Variants in NR6A1 observed in about 807,000 individuals in gnomAD.
The protein encoded by NR6A1 is retinoic acid receptor-related testis-associated receptor.
NR6A1 carries 7 observed loss-of-function variants against 59.1 expected under a neutral mutation model. That is an observed-to-expected ratio of 0.12 (90% CI 0.07 to 0.22). The LOEUF is 0.22. NR6A1 is among the 10% of genes least tolerant of loss of function. The pLI is 1.00. For synonymous variants in NR6A1, 243 were observed against 236.1 expected, an observed-to-expected ratio of 1.03 and a Z score of -0.27; for missense variants, 468 against 611.6, an observed-to-expected ratio of 0.77 and a Z score of 2.48.
At chr9:124,632,180 T>C (rs975563508) in intron 2 of NR6A1, among the ~76,000 whole-genome samples, 2 of 152,220 alleles carry the variant, frequency 1.3e-5, no homozygotes, top group Admixed American at 1.3e-4. Flanking sequence ...TTTGGAAATA[T>C]GCCCAGTAAT....
chr9:124,598,753 C>T (rs1202562327), intron 2 of NR6A1: 5 of 940,698 alleles, frequency 5.3e-6, no homozygotes, highest in Admixed American at 1.8e-5. Context: ...TTCTCCTTCA[C>T]CGAAAGAGCT....
At chr9:124,543,731 G>T in intron 4 of NR6A1, 71 bp downstream of exon 4, 3 of 1,182,696 alleles carry the variant, frequency 2.5e-6, no homozygotes, top group South Asian at 1.5e-5. Flanking sequence ...GAGTCAAGGT[G>T]AGCAGTTTCA....
chr9:124,714,270 A>C (rs1044749828), intron 2 of NR6A1, among the ~76,000 whole-genome samples: 3 of 152,208 alleles, frequency 2.0e-5, no homozygotes, highest in Admixed American at 2.0e-4. Context: ...ACAGAGCTTC[A>C]GTTTTGCAAT....
chr9:124,688,168 T>A (rs1211774977), intron 2 of NR6A1, among the ~76,000 whole-genome samples: 4 of 151,670 alleles, frequency 2.6e-5, no homozygotes, highest in Non-Finnish European at 4.4e-5. Context: ...CAAAAAAAAA[T>A]TTCTAAATCA....
chr9:124,674,465 C>T (rs1837893510), intron 2 of NR6A1, among the ~76,000 whole-genome samples: 1 of 152,126 alleles, frequency 6.6e-6, no homozygotes, highest in Non-Finnish European at 1.5e-5. Flanking sequence ...CTATTTTCAT[C>T]TGTAAAATGG....
intron 2 of NR6A1, among the ~76,000 whole-genome samples, chr9:124,650,655 G>C (rs930813802): frequency 1.3e-5 from 2 of 152,144 alleles, no homozygotes; most frequent in Admixed American, 6.5e-5. Flanking sequence ...ACCCCAATTT[G>C]ATCATTACAC....
intron 8 of NR6A1, 44 bp downstream of exon 8, chr9:124,526,735 C>T: frequency 6.2e-7 from 1 of 1,607,260 alleles, no homozygotes; most frequent in Non-Finnish European, 8.5e-7. Flanking sequence ...TCACTGCCTG[C>T]CTCCCGCACT....
rs1410580633 is a variant in NR6A1 at position 124,771,209 on chromosome 9, G to A, written c.-90C>T. ...GGTCGTCGTCCGCCGAGGGGAGGAG[G>A]TTGTCAGGAGCCCGCGAGCTCCCGG... On this transcript the variant is annotated 5_prime_UTR_variant, in exon 1 of 10. Coordinates refer to ENST00000487099, the MANE Select transcript of NR6A1 (RefSeq NM_033334.4). 1.9e-5 allele frequency: 13 copies of A among 701,826 alleles called. No individual in the cohort carries two copies. The highest frequency in any genetic ancestry group is 4.3e-5 in the Admixed American group (1 of 23,000). The allele number at this position is 701,826 out of a possible 1,614,324, so 43.5% of individuals were successfully genotyped here. A position where few individuals can be genotyped will look rare whatever the true frequency, so the allele number is the denominator to read the frequency against.
At chr9:124,744,356 C>A (rs1461456664) in intron 1 of NR6A1, among the ~76,000 whole-genome samples, 1 of 152,190 alleles carries the variant, frequency 6.6e-6, no homozygotes, top group Non-Finnish European at 1.5e-5. Flanking sequence ...ATAAACCAGG[C>A]ATCAGCTTGA....
At chr9:124,597,997 G>A (rs1835326652) in intron 2 of NR6A1, among the ~76,000 whole-genome samples, 1 of 152,046 alleles carries the variant, frequency 6.6e-6, no homozygotes, top group African/African-American at 2.4e-5. Flanking sequence ...CTACAGGCAC[G>A]CACCACCACG....
chr9:124,624,726 T>G (rs998126014), intron 2 of NR6A1, among the ~76,000 whole-genome samples: 1 of 152,194 alleles, frequency 6.6e-6, no homozygotes. Context: ...ACTTTGTGAT[T>G]TGAGCTTGCC....
chr9:124,717,185 C>T (rs28865904), intron 2 of NR6A1, among the ~76,000 whole-genome samples: 17,550 of 152,072 alleles, frequency 0.12, 2,699 homozygotes, highest in African/African-American at 0.34. Flanking sequence ...GAAATCTGTT[C>T]GGAAATTTCA....
intron 2 of NR6A1, among the ~76,000 whole-genome samples, chr9:124,714,830 A>G (rs992436330): frequency 6.6e-6 from 1 of 152,174 alleles, no homozygotes; most frequent in Non-Finnish European, 1.5e-5. Flanking sequence ...TCAACACTAA[A>G]CTTTTTAAAA....
chr9:124,730,246 T>C (rs1018886324), intron 2 of NR6A1, among the ~76,000 whole-genome samples: 2 of 152,234 alleles, frequency 1.3e-5, no homozygotes, highest in Non-Finnish European at 2.9e-5. Context: ...TGGTTTGTTT[T>C]TGAGACAGGG....
At chr9:124,595,400 AAAC>A (rs1194357300) in intron 2 of NR6A1, among the ~76,000 whole-genome samples, 2 of 152,218 alleles carry the variant, frequency 1.3e-5, no homozygotes, top group East Asian at 3.8e-4. Context: ...TTTAAAATAC[AAAC>A]AACATCTGTC....
chr9:124,633,732 G>A (rs1029202583), intron 2 of NR6A1, among the ~76,000 whole-genome samples: 10 of 152,076 alleles, frequency 6.6e-5, no homozygotes, highest in Non-Finnish European at 1.3e-4. Context: ...GCCCCAGACA[G>A]AAAAAAGAAG....
intron 2 of NR6A1, among the ~76,000 whole-genome samples, chr9:124,678,083 G>C (rs1838018197): frequency 6.6e-6 from 1 of 152,168 alleles, no homozygotes; most frequent in African/African-American, 2.4e-5. Flanking sequence ...AGTTTTGAGA[G>C]AATATTTGGC....
chr9:124,548,190 T>C (rs1460617921), intron 3 of NR6A1, among the ~76,000 whole-genome samples: 4 of 152,136 alleles, frequency 2.6e-5, no homozygotes, highest in South Asian at 4.2e-4. Context: ...ATAAAGCAAA[T>C]GTGGCAAAAT....
At position 124,519,660 on chromosome 9, in the gene NR6A1, G is replaced by C. The variant is rs1379251984; in HGVS notation, c.*3045C>G. 11 of 152,144 alleles carry C rather than the reference G, an allele frequency of 7.2e-5. No homozygotes were observed. The highest frequency in any genetic ancestry group is 7.2e-4 in the Admixed American group (11 of 15,274). 9.4% of individuals were successfully genotyped at this position (152,144 alleles called of 1,614,324 possible). ...TCACGCCTGTAATCCCAGCACTTTG[G>C]GAGGCCGAGGCAGGCGGATCACGAG... is the stretch of plus-strand genomic sequence containing the variant. On this transcript the variant is annotated 3_prime_UTR_variant, in exon 10 of 10. Transcript: ENST00000487099.
Sources: gnomAD v4.1 joint callset for allele counts (sites outside exome capture counted in the v4.1 genomes callset) on GRCh38, gnomAD v4.1.1 for gene constraint, MANE v1.5 for transcripts, NCBI Gene and HGNC (gene_info 2026-07-23, HGNC 2026-07-21) for gene names.